VPS13D: variants seen among roughly 807,000 people sequenced by gnomAD.
VPS13D encodes the protein intermembrane lipid transfer protein VPS13D.
A neutral mutation model predicts 461.9 loss-of-function variants in VPS13D; 187 were observed. The ratio of observed to expected loss-of-function variants is 0.40; its 90% CI spans 0.36 to 0.46. VPS13D has a LOEUF of 0.46. Among genes scored for constraint, VPS13D ranks in the 20% least tolerant of loss-of-function variants. VPS13D has a pLI of 0.60. For synonymous variants in VPS13D, 1,951 were observed against 1,986.3 expected (o/e 0.98, Z 0.47); for missense variants, 4,711 against 5,364.9 (o/e 0.88, Z 3.81).
At chr1:12,500,181 C>G (rs921192293) in intron 68 of VPS13D, 8 of 984,326 alleles carry the variant, frequency 8.1e-6, no homozygotes, top group Non-Finnish European at 9.6e-6. Flanking sequence ...TTTTGTCATT[C>G]TATTTAATTA....
chr1:12,451,977 A>G (rs1199467318), intron 65 of VPS13D, among the ~76,000 whole-genome samples: 1 of 152,214 alleles, frequency 6.6e-6, no homozygotes. Context: ...AAAGGAGGAA[A>G]ACAGAGGCCC....
intron 65 of VPS13D, among the ~76,000 whole-genome samples, chr1:12,447,406 A>G (rs550087327): frequency 1.3e-5 from 2 of 152,288 alleles, no homozygotes; most frequent in African/African-American, 4.8e-5. Flanking sequence ...GGATTAAGCT[A>G]GTTAAATATT....
At chr1:12,285,755 T>C (rs1427328993) in intron 21 of VPS13D, among the ~76,000 whole-genome samples, 1 of 152,208 alleles carries the variant, frequency 6.6e-6, no homozygotes, top group Non-Finnish European at 1.5e-5. Context: ...TCTCTGATTG[T>C]CTCAAAAATG....
At chr1:12,283,842 C>T (rs1569799693) in intron 21 of VPS13D, 106 bp downstream of exon 21, 1 of 1,195,862 alleles carries the variant, frequency 8.4e-7, no homozygotes, top group Non-Finnish European at 1.1e-6. Context: ...CTCTTGTTGG[C>T]AGGGGAGCTA....
chr1:12,454,201 C>T (rs1645297404), intron 65 of VPS13D, among the ~76,000 whole-genome samples: 1 of 152,130 alleles, frequency 6.6e-6, no homozygotes, highest in Non-Finnish European at 1.5e-5. Context: ...TGACCTCGCT[C>T]AGGGTCATGT....
chr1:12,346,762 G>A (rs895850679), intron 44 of VPS13D, 110 bp downstream of exon 44: 6 of 1,067,336 alleles, frequency 5.6e-6, no homozygotes, highest in Admixed American at 2.8e-5. Flanking sequence ...ACATATATGC[G>A]ATTGAAATTT....
intron 55 of VPS13D, among the ~76,000 whole-genome samples, chr1:12,375,974 G>C (rs958227019): frequency 2.0e-5 from 3 of 152,202 alleles, no homozygotes; most frequent in Admixed American, 6.5e-5. Context: ...GTGCATCTCA[G>C]ATTTTCAAGT....
intron 41 of VPS13D, among the ~76,000 whole-genome samples, chr1:12,342,112 A>G (rs1643582690): frequency 6.6e-6 from 1 of 152,192 alleles, no homozygotes; most frequent in South Asian, 2.1e-4. Flanking sequence ...GGTATACCTT[A>G]TGTTTAAAAG....
intron 65 of VPS13D, among the ~76,000 whole-genome samples, chr1:12,437,060 G>C (rs978545497): frequency 9.2e-5 from 14 of 152,216 alleles, no homozygotes; most frequent in African/African-American, 3.4e-4. Flanking sequence ...CCGTGTGTGT[G>C]TGTGTGGCGG....
At chr1:12,504,439 G>T (rs1279198430) in intron 68 of VPS13D, among the ~76,000 whole-genome samples, 2 of 152,184 alleles carry the variant, frequency 1.3e-5, no homozygotes, top group South Asian at 2.1e-4. Flanking sequence ...GCATGCACAG[G>T]GTCCTGGACT....
At position 12,495,480 on chromosome 1, in the gene VPS13D, C is replaced by T. The variant is rs1264439928; in HGVS notation, c.12663-2020C>T. ...GCCGATGTAACATCTTTTGAAAGGG[C>T]CATTCTCATTGCCATGAGGAGAGTG... On this transcript the variant is annotated intron_variant, in intron 67 of 69. Transcript: ENST00000620676. The surrounding 1 kb of genome is among the most constrained non-coding windows in gnomAD (Gnocchi z 4.0). 6.6e-6 allele frequency among the ~76,000 whole-genome samples: 1 copy of T among 152,036 alleles called. No individual in the cohort carries two copies. Among genetic ancestry groups the T allele is most frequent in the Non-Finnish European group, 1.5e-5 (1 of 68,000 alleles).
At chr1:12,430,605 GAA>G (rs1644979505) in intron 65 of VPS13D, among the ~76,000 whole-genome samples, 1 of 152,176 alleles carries the variant, frequency 6.6e-6, no homozygotes, top group Non-Finnish European at 1.5e-5. Flanking sequence ...GTCAGTGTTG[GAA>G]CCAGGGGATG....
intron 5 of VPS13D, among the ~76,000 whole-genome samples, chr1:12,247,248 T>A (rs1405655547): frequency 1.3e-5 from 2 of 152,082 alleles, no homozygotes; most frequent in East Asian, 3.9e-4. Context: ...ACCCCGTCTC[T>A]GCTAAAAATA....
At chr1:12,318,047 A>G (rs776775630) in intron 30 of VPS13D, 25 bp from the exon 31 acceptor site, 1 of 1,579,234 alleles carries the variant, frequency 6.3e-7, no homozygotes, top group South Asian at 1.2e-5. Flanking sequence ...TTTCCTATTT[A>G]TTTTCTCCTG....
chr1:12,276,678 T>G lies in VPS13D; in HGVS notation c.3090T>G (p.Ile1030Met). 3.7e-6 allele frequency: 6 copies of G among 1,614,172 alleles called. No homozygotes were observed. Among genetic ancestry groups the G allele is most frequent in the Non-Finnish European group, 5.1e-6 (6 of 1,180,026 alleles). ...MASHKNLSFD[I>M]PTGSLRDSRA... ...CACATAAGAACTTGAGCTTTGATAT[T>G]CCAACGGGAAGCCTTCGGGATAGCA... Residue 1030 changes from isoleucine to methionine, a missense_variant, in exon 19 of 70, where the codon ATT becomes ATG. By Grantham distance (10) the Ile-to-Met change is conservative. Coordinates refer to ENST00000620676, the MANE Select transcript of VPS13D (RefSeq NM_015378.4). The surrounding 1 kb of genome is among the most constrained non-coding windows in gnomAD (Gnocchi z 4.5).
chr1:12,490,151 G>C (rs1040012651), intron 67 of VPS13D, among the ~76,000 whole-genome samples: 3 of 152,226 alleles, frequency 2.0e-5, no homozygotes, highest in Non-Finnish European at 4.4e-5. Flanking sequence ...TTGAATAGGG[G>C]ACTGGAGGAG....
chr1:12,386,485 C>T, intron 60 of VPS13D, 151 bp downstream of exon 60: 1 of 918,398 alleles, frequency 1.1e-6, no homozygotes, highest in Non-Finnish European at 1.5e-6. Context: ...TTGTTTCTAC[C>T]TACATTCGTC....
intron 20 of VPS13D, among the ~76,000 whole-genome samples, chr1:12,280,500 CTTTTTT>C (rs774648603): frequency 7.2e-6 from 1 of 139,786 alleles, no homozygotes. Flanking sequence ...TGTTGACTTA[CTTTTTT>C]TTTTTTTTTT....
At chr1:12,400,958 GCGCGCA>G (rs1376913113) in intron 61 of VPS13D, among the ~76,000 whole-genome samples, 228 of 80,464 alleles carry the variant, frequency 2.8e-3, no homozygotes, top group Middle Eastern at 0.018. Context: ...GCACCTGCGC[GCGCGCA>G]CACACACACA....
Sources: gnomAD v4.1 joint callset for allele counts (sites outside exome capture counted in the v4.1 genomes callset) on GRCh38, gnomAD v4.1.1 for gene constraint, Gnocchi (gnomAD v3.1) non-coding constraint, MANE v1.5 for transcripts, NCBI Gene and HGNC (gene_info 2026-07-23, HGNC 2026-07-21) for gene names.